XRCC4: variants seen among roughly 807,000 people sequenced by gnomAD.
XRCC4 encodes X-ray repair cross complementing 4, also known as DNA repair protein XRCC4.
Under a neutral mutation model 39.1 loss-of-function variants are expected in XRCC4, and 28 were observed. That is an observed-to-expected ratio of 0.72 (90% CI 0.53 to 0.98). XRCC4 has a LOEUF of 0.98. XRCC4 is among the 50% of genes least tolerant of loss of function. The pLI is 0.00. For missense variants in XRCC4, 350 were observed against 376.4 expected, an observed-to-expected ratio of 0.93 and a Z score of 0.58; for synonymous variants, 123 against 126.4, an observed-to-expected ratio of 0.97 and a Z score of 0.18.
intron 3 of XRCC4, among the ~76,000 whole-genome samples, chr5:83,152,512 A>G (rs986903606): frequency 6.1e-4 from 93 of 151,968 alleles, no homozygotes; most frequent in Non-Finnish European, 1.1e-3. Flanking sequence ...GGGTGCCTGT[A>G]ATCCCAGCTA....
intron 1 of XRCC4, among the ~76,000 whole-genome samples, chr5:83,099,922 T>TA (rs943239983): frequency 6.6e-6 from 1 of 152,192 alleles, no homozygotes; most frequent in Non-Finnish European, 1.5e-5. Flanking sequence ...CATTTGCTCT[T>TA]ACTGAATCTT....
chr5:83,263,896 T>C (rs1023454874), intron 7 of XRCC4, among the ~76,000 whole-genome samples: 21 of 151,962 alleles, frequency 1.4e-4, no homozygotes, highest in East Asian at 1.2e-3. Flanking sequence ...TTGCTTTTGG[T>C]GTTTTAGACA....
chr5:83,368,784 C>T, the XRCC4 span, among the ~76,000 whole-genome samples: 1 of 152,182 alleles, frequency 6.6e-6, no homozygotes, highest in Non-Finnish European at 1.5e-5. Context: ...TCCTTACAGA[C>T]ATCCTAAAGA....
At chr5:83,097,031 G>A (rs1226833275) in intron 1 of XRCC4, among the ~76,000 whole-genome samples, 1 of 152,148 alleles carries the variant, frequency 6.6e-6, no homozygotes, top group Non-Finnish European at 1.5e-5. Context: ...AGTCCATTTT[G>A]AGAATGTATA....
At chr5:83,355,414 G>A (rs931725207), downstream of XRCC4, among the ~76,000 whole-genome samples, 3 of 152,098 alleles carry the variant, frequency 2.0e-5, no homozygotes, top group African/African-American at 7.2e-5. Flanking sequence ...CCAGTACTAA[G>A]AGCAAGGTTC....
At chr5:83,187,788 A>G (rs1306201840) in intron 3 of XRCC4, among the ~76,000 whole-genome samples, 1 of 152,222 alleles carries the variant, frequency 6.6e-6, no homozygotes, top group East Asian at 1.9e-4. Flanking sequence ...TACAGCAACC[A>G]TTAGCTATAT....
intron 7 of XRCC4, among the ~76,000 whole-genome samples, chr5:83,327,831 A>T (rs1756313705): frequency 6.6e-6 from 1 of 152,082 alleles, no homozygotes; most frequent in South Asian, 2.1e-4. Flanking sequence ...CAACACACAA[A>T]CACAAGAAAT....
intron 6 of XRCC4, among the ~76,000 whole-genome samples, chr5:83,240,096 C>T (rs1752847025): frequency 6.6e-6 from 1 of 152,052 alleles, no homozygotes; most frequent in Non-Finnish European, 1.5e-5. Context: ...ATCACTTGAG[C>T]CCAGGAGTTC....
chr5:83,298,633 G>T (rs1755173428), intron 7 of XRCC4, among the ~76,000 whole-genome samples: 1 of 151,140 alleles, frequency 6.6e-6, no homozygotes, highest in African/African-American at 2.4e-5. Flanking sequence ...AATCTCTCTG[G>T]CATAGTACAT....
At chr5:83,089,380 C>A (rs957693837) in intron 1 of XRCC4, among the ~76,000 whole-genome samples, 2 of 152,332 alleles carry the variant, frequency 1.3e-5, no homozygotes, top group Non-Finnish European at 2.9e-5. Context: ...GCATGATTAT[C>A]CCAATATCCT....
chr5:83,239,373 G>T (rs1752814247), intron 6 of XRCC4, among the ~76,000 whole-genome samples: 1 of 152,216 alleles, frequency 6.6e-6, no homozygotes, highest in Non-Finnish European at 1.5e-5. Context: ...CATAGAAAGT[G>T]CAGTGAAGAA....
intron 5 of XRCC4, among the ~76,000 whole-genome samples, chr5:83,203,923 A>G (rs1751316719): frequency 2.0e-5 from 3 of 152,150 alleles, no homozygotes; most frequent in Non-Finnish European, 4.4e-5. Context: ...CTACACTTAA[A>G]TTAAAAAACT....
chr5:83,374,410 T>C, the XRCC4 span, among the ~76,000 whole-genome samples: 6 of 152,348 alleles, frequency 3.9e-5, no homozygotes, highest in East Asian at 1.2e-3. Context: ...TCTGCCATGA[T>C]TGTGAGGCCT....
At chr5:83,166,812 C>T (rs1320078764) in intron 3 of XRCC4, among the ~76,000 whole-genome samples, 11 of 151,860 alleles carry the variant, frequency 7.2e-5, no homozygotes, top group African/African-American at 1.2e-4. Context: ...TGCCAGCATC[C>T]GTTATTTTTT....
intron 7 of XRCC4, among the ~76,000 whole-genome samples, chr5:83,260,192 G>A (rs1015461123): frequency 2.0e-5 from 3 of 152,038 alleles, no homozygotes; most frequent in Non-Finnish European, 2.9e-5. Context: ...TAGAGTTCAA[G>A]GCATAGTGTG....
chr5:83,180,510 G>A (rs76481039), intron 3 of XRCC4, among the ~76,000 whole-genome samples: 2,209 of 152,166 alleles, frequency 0.015, 61 homozygotes, highest in African/African-American at 0.051. Flanking sequence ...GTTATCAAGT[G>A]TCTTTCTCCA....
chr5:83,156,271 G>T (rs1204605632), intron 3 of XRCC4, among the ~76,000 whole-genome samples: 3 of 145,702 alleles, frequency 2.1e-5, no homozygotes, highest in Non-Finnish European at 1.5e-5. Flanking sequence ...AATTGTGACT[G>T]TTTGCCTAAG....
At chr5:83,147,853 C>T (rs999892844) in intron 3 of XRCC4, among the ~76,000 whole-genome samples, 4 of 151,444 alleles carry the variant, frequency 2.6e-5, no homozygotes, top group Admixed American at 1.3e-4. Flanking sequence ...TGCAGTGGCA[C>T]GATCTTGGCT....
In XRCC4 at chr5:83,144,560, C is replaced by A. The variant is rs912686653; in HGVS notation, c.315+33357C>A. On this transcript the variant is annotated intron_variant, in intron 3 of 7. Transcript: ENST00000396027. ...TTGTTTTGTGTCTCCCCACCCCCCC[C>A]CCCCCACCCCCACGGATTGGCTGAG... Among the ~76,000 whole-genome samples, 75 of 93,644 alleles carry A rather than the reference C, an allele frequency of 8.0e-4. 2 individuals are homozygous for A. The highest frequency in any genetic ancestry group is 1.8e-3 in the African/African-American group (45 of 24,832). 61.4% of individuals were successfully genotyped at this position (93,644 alleles called of 152,430 possible).
Sources: allele counts gnomAD v4.1 joint callset (sites outside exome capture counted in the v4.1 genomes callset), GRCh38; gene constraint gnomAD v4.1.1; transcripts MANE v1.5; gene names NCBI Gene and HGNC (gene_info 2026-07-23, HGNC 2026-07-21).